PRDM16: variants seen among roughly 807,000 people sequenced by gnomAD.
PRDM16 encodes the protein PR/SET domain 16, also known as histone-lysine N-methyltransferase PRDM16.
A neutral mutation model predicts 110.6 loss-of-function variants in PRDM16; 23 were observed. That is an observed-to-expected ratio of 0.21 (90% CI 0.15 to 0.29). The LOEUF (loss-of-function observed/expected upper bound fraction) is 0.29. Among genes scored for constraint, PRDM16 ranks in the 10% least tolerant of loss-of-function variants. PRDM16 has a pLI of 1.00. For missense variants in PRDM16, 1,615 were observed against 1,794.3 expected, an observed-to-expected ratio of 0.90 and a Z score of 1.81; for synonymous variants, 799 against 781.8, an observed-to-expected ratio of 1.02 and a Z score of -0.37.
At chr1:3,230,190 C>T (rs1307442254) in intron 2 of PRDM16, among the ~76,000 whole-genome samples, 1 of 152,226 alleles carries the variant, frequency 6.6e-6, no homozygotes, top group Non-Finnish European at 1.5e-5. Context: ...CTGGCCTCCA[C>T]TGGCAACTGC....
rs1642679785 is a variant in PRDM16, at chr1:3,359,838, AAG to A, written c.439-25313_439-25312del. On this transcript the variant is annotated intron_variant, in intron 3 of 16. Coordinates refer to ENST00000270722, the MANE Select transcript of PRDM16 (RefSeq NM_022114.4). The surrounding 1 kb of genome is among the most constrained non-coding windows in gnomAD (Gnocchi z 4.3). ...CGTGCTCAAAGTGATGTTTACTTAG[AAG>A]GTGGCACCCGACAAGGGCTTCCAAT... is the stretch of plus-strand genomic sequence containing the variant. Among the ~76,000 whole-genome samples the A allele has an allele frequency of 1.3e-5, 2 of 152,060 alleles. No homozygotes were observed. The highest frequency in any genetic ancestry group is 4.8e-5 in the African/African-American group (2 of 41,420).
At chr1:3,271,526 C>T (rs1640455002) in intron 3 of PRDM16, among the ~76,000 whole-genome samples, 1 of 152,236 alleles carries the variant, frequency 6.6e-6, no homozygotes, top group African/African-American at 2.4e-5. Context: ...CGTGGAAATT[C>T]TGACCCTGTG....
rs557050915 is a variant in PRDM16 at position 3,080,510 on chromosome 1, C to T, written c.37+11214C>T. Reference sequence around the variant, plus strand: ...GGAGGAAAAGCTATCAGAGACAGATCGATTTTTCCCTGGAAGTGATTTGGC... The same window carrying T: ...GGAGGAAAAGCTATCAGAGACAGATTGATTTTTCCCTGGAAGTGATTTGGC... On this transcript the variant is annotated intron_variant, in intron 1 of 16. Coordinates refer to ENST00000270722, the MANE Select transcript of PRDM16 (RefSeq NM_022114.4). The surrounding 1 kb of genome is among the most constrained non-coding windows in gnomAD (Gnocchi z 5.2). 5.9e-5 allele frequency among the ~76,000 whole-genome samples: 9 copies of T among 152,226 alleles called. No individual in the cohort carries two copies. The South Asian group carries it at 1.9e-3, about 32-fold the overall frequency.
intron 5 of PRDM16, among the ~76,000 whole-genome samples, chr1:3,398,927 C>A (rs1281241725): frequency 6.6e-6 from 1 of 152,226 alleles, no homozygotes; most frequent in East Asian, 1.9e-4. Context: ...CCCTTGGGGG[C>A]CAGCCCGCTT....
chr1:3,268,419 C>T (rs1447205606), intron 3 of PRDM16, among the ~76,000 whole-genome samples: 2 of 152,206 alleles, frequency 1.3e-5, no homozygotes, highest in Admixed American at 6.5e-5. Context: ...GTGTGCACTT[C>T]GCAAAGCCGG....
At chr1:3,160,748 G>A (rs941764075) in intron 1 of PRDM16, among the ~76,000 whole-genome samples, 2 of 152,218 alleles carry the variant, frequency 1.3e-5, no homozygotes, top group Non-Finnish European at 2.9e-5. Context: ...CTGTGCAGTG[G>A]GAACTGCAAG....
intron 12 of PRDM16, among the ~76,000 whole-genome samples, chr1:3,419,337 C>A (rs1481172983): frequency 6.6e-6 from 1 of 152,212 alleles, no homozygotes; most frequent in Non-Finnish European, 1.5e-5. Flanking sequence ...ATCTGAGGAG[C>A]CGGCTGGCAC....
intron 1 of PRDM16, among the ~76,000 whole-genome samples, chr1:3,180,328 G>A (rs904088932): frequency 6.6e-6 from 1 of 152,192 alleles, no homozygotes. Flanking sequence ...CACACAGGTG[G>A]AGTGAGGAAC....
chr1:3,180,532 G>C (rs1644137722), intron 1 of PRDM16, among the ~76,000 whole-genome samples: 1 of 152,160 alleles, frequency 6.6e-6, no homozygotes, highest in Non-Finnish European at 1.5e-5. Context: ...GTGGGACCGA[G>C]TCCCCACAGG....
intron 1 of PRDM16, among the ~76,000 whole-genome samples, chr1:3,136,957 G>GGA (rs1643450919): frequency 6.6e-6 from 1 of 152,226 alleles, no homozygotes; most frequent in South Asian, 2.1e-4. Context: ...GCTCTGGGCT[G>GGA]GAGAGAGGCT....
intron 12 of PRDM16, among the ~76,000 whole-genome samples, chr1:3,419,544 G>T (rs752173211): frequency 6.6e-6 from 1 of 152,224 alleles, no homozygotes; most frequent in Non-Finnish European, 1.5e-5. Context: ...TAACTGGGAG[G>T]CGAATGGGGA....
chr1:3,312,539 A>G (rs1344987390), intron 3 of PRDM16, among the ~76,000 whole-genome samples: 1 of 152,194 alleles, frequency 6.6e-6, no homozygotes, highest in Non-Finnish European at 1.5e-5. Flanking sequence ...GGGATACATC[A>G]GGAGCCCATC....
At chr1:3,079,406 G>T (rs146440389) in intron 1 of PRDM16, among the ~76,000 whole-genome samples, 1 of 55,568 alleles carries the variant, frequency 1.8e-5, no homozygotes, top group Admixed American at 2.0e-4. Flanking sequence ...CAGGGATCCT[G>T]CGGTTGCAGG....
intron 2 of PRDM16, among the ~76,000 whole-genome samples, chr1:3,202,438 G>C (rs916049131): frequency 5.9e-5 from 9 of 152,188 alleles, no homozygotes; most frequent in Non-Finnish European, 1.2e-4. Context: ...GCTTTGCTGA[G>C]AGGCAGGGAT....
At chr1:3,277,782 CAT>C (rs142562426) in intron 3 of PRDM16, among the ~76,000 whole-genome samples, 121 of 113,860 alleles carry the variant, frequency 1.1e-3, no homozygotes, top group Middle Eastern at 4.6e-3. Flanking sequence ...CACACGCACA[CAT>C]ATGCACACAC....
intron 3 of PRDM16, among the ~76,000 whole-genome samples, chr1:3,256,644 G>A (rs1043487156): frequency 6.6e-6 from 1 of 152,042 alleles, no homozygotes; most frequent in East Asian, 1.9e-4. Context: ...GGATCATGAG[G>A]TCAGGAGATC....
intron 3 of PRDM16, among the ~76,000 whole-genome samples, chr1:3,313,115 T>C (rs932649985): frequency 2.6e-5 from 4 of 152,202 alleles, no homozygotes; most frequent in African/African-American, 9.6e-5. Flanking sequence ...TGGGCAGCCT[T>C]CTCCGAAGCT....
intron 3 of PRDM16, among the ~76,000 whole-genome samples, chr1:3,262,142 G>A (rs1046932250): frequency 1.3e-5 from 2 of 152,198 alleles, no homozygotes; most frequent in Non-Finnish European, 2.9e-5. Context: ...AGAGAGGTTC[G>A]GTAATCTGCC....
chr1:3,383,389 G>A (rs1031369589), intron 3 of PRDM16, among the ~76,000 whole-genome samples: 2 of 152,152 alleles, frequency 1.3e-5, no homozygotes, highest in Non-Finnish European at 2.9e-5. Context: ...ACCCCAGCTT[G>A]GTGGTGGATG....
Sources: gnomAD v4.1 joint callset for allele counts (sites outside exome capture counted in the v4.1 genomes callset) on GRCh38, gnomAD v4.1.1 for gene constraint, Gnocchi (gnomAD v3.1) non-coding constraint, MANE v1.5 for transcripts, NCBI Gene and HGNC (gene_info 2026-07-23, HGNC 2026-07-21) for gene names.